The following PRPF6 variants were observed in gnomAD, a reference collection of about 807,000 sequenced individuals.
PRPF6 encodes the protein pre-mRNA processing factor 6, also known as pre-mRNA-processing factor 6.
PRPF6 carries 42 observed loss-of-function variants against 118.3 expected under a neutral mutation model. The observed-to-expected ratio is 0.35, with a 90% CI of 0.28 to 0.46. The LOEUF (loss-of-function observed/expected upper bound fraction) is 0.46, where lower values mean the gene tolerates loss of function less well. Ranked by LOEUF, PRPF6 falls within the 20% of genes least tolerant of loss-of-function variation. The pLI is 1.00. For missense variants in PRPF6, 662 were observed against 1,255.7 expected, an observed-to-expected ratio of 0.53 and a Z score of 7.15; for synonymous variants, 481 against 485.1, an observed-to-expected ratio of 0.99 and a Z score of 0.11.
chr20:64,010,042 C>T (rs1273951342), intron 9 of PRPF6, among the ~76,000 whole-genome samples, 158 bp from the exon 10 acceptor site: 1 of 152,186 alleles, frequency 6.6e-6, no homozygotes, highest in African/African-American at 2.4e-5. Flanking sequence ...TTTGTGTCTG[C>T]CCCAGACCTG....
intron 14 of PRPF6, among the ~76,000 whole-genome samples, chr20:64,025,500 C>T (rs2059285267): frequency 6.6e-6 from 1 of 152,250 alleles, no homozygotes; most frequent in African/African-American, 2.4e-5. Context: ...TGGGAGTCCT[C>T]TCTCCTGCCC....
chr20:63,999,222 G>A (rs985729172), intron 7 of PRPF6, 83 bp downstream of exon 7: 1 of 1,114,238 alleles, frequency 9.0e-7, no homozygotes, highest in Non-Finnish European at 1.4e-6. Context: ...ACAGTATGCT[G>A]TCAAAATGGG....
chr20:64,014,986 C>G (rs1265010831), intron 11 of PRPF6, among the ~76,000 whole-genome samples: 1 of 152,158 alleles, frequency 6.6e-6, no homozygotes, highest in Non-Finnish European at 1.5e-5. Flanking sequence ...TTCAGGGTTC[C>G]TCCATGTTGT....
intron 12 of PRPF6, among the ~76,000 whole-genome samples, chr20:64,020,372 C>T (rs777023906): frequency 3.9e-5 from 6 of 152,020 alleles, no homozygotes; most frequent in Admixed American, 6.6e-5. Context: ...GCTGAGATCG[C>T]GCCACTGCAC....
intron 1 of PRPF6, 73 bp from the exon 2 acceptor site, chr20:63,982,974 T>G: frequency 3.2e-6 from 5 of 1,553,568 alleles, no homozygotes; most frequent in Non-Finnish European, 2.6e-6. Context: ...TGTTAGTAAG[T>G]GATAACCAGG....
intron 9 of PRPF6, among the ~76,000 whole-genome samples, chr20:64,008,648 GA>G (rs2059201153): frequency 1.3e-5 from 2 of 152,120 alleles, no homozygotes; most frequent in South Asian, 4.1e-4. Flanking sequence ...TTTATTGCCA[GA>G]ATTATTCTTA....
At position 64,001,063 on chromosome 20, in the gene PRPF6, C is replaced by G. The variant is rs200767266; in HGVS notation, c.1024-14C>G. On this transcript the variant is annotated splice_polypyrimidine_tract_variant and intron_variant, in intron 8 of 20. Coordinates refer to ENST00000266079, the MANE Select transcript of PRPF6 (RefSeq NM_012469.4). Reference sequence around the variant, plus strand: ...CTGCACTGAGCCTTATTGGTCTTATCTCTTGCCTCACAGAGTGAAGATGTC... The same window carrying G: ...CTGCACTGAGCCTTATTGGTCTTATGTCTTGCCTCACAGAGTGAAGATGTC... The G allele has an allele frequency of 1.2e-6, 2 of 1,613,808 alleles. No homozygotes were observed. Among genetic ancestry groups the G allele is most frequent in the Non-Finnish European group, 1.7e-6 (2 of 1,179,924 alleles).
Position 64,026,889 on chromosome 20 carries a change from AG to A in PRPF6, c.2029-92del. 2 of 1,278,312 alleles carry A rather than the reference AG, an allele frequency of 1.6e-6. No homozygotes were observed. The highest frequency in any genetic ancestry group is 2.4e-5 in the South Asian group (2 of 83,150). The allele number at this position is 1,278,312 out of a possible 1,614,324, so 79.2% of individuals were successfully genotyped here. On this transcript the variant is annotated intron_variant, in intron 15 of 20. Coordinates refer to ENST00000266079, the MANE Select transcript of PRPF6 (RefSeq NM_012469.4). This position sits in a 1 kb window ranked among gnomAD's most constrained non-coding sequence, Gnocchi z 4.4. ...ATGAAAAGCTTACAAAAGTACACAC[AG>A]TACTGCAGGTAACAGTGTTGAGGAT...
intron 9 of PRPF6, among the ~76,000 whole-genome samples, chr20:64,006,805 A>G (rs1321079363): frequency 6.6e-6 from 1 of 152,226 alleles, no homozygotes; most frequent in Non-Finnish European, 1.5e-5. Flanking sequence ...CATTTGTGGC[A>G]TCCTACTGGG....
At chr20:63,996,353 A>G (rs2059141162) in intron 6 of PRPF6, among the ~76,000 whole-genome samples, 1 of 151,852 alleles carries the variant, frequency 6.6e-6, no homozygotes, top group African/African-American at 2.4e-5. Flanking sequence ...AAAAACAAAA[A>G]CAAAAACAAA....
chr20:64,026,945 C>G lies in PRPF6; in HGVS notation c.2029-37C>G, dbSNP rs1365577801. The G allele has an allele frequency of 1.9e-6, 3 of 1,611,666 alleles. No homozygotes were observed. The African/African-American group carries it at 4.0e-5, about 22-fold the overall frequency. On this transcript the variant is annotated intron_variant, in intron 15 of 20. Transcript: ENST00000266079. This position sits in a 1 kb window ranked among gnomAD's most constrained non-coding sequence, Gnocchi z 4.4. ...GTACCATGAAGCACGTACCCTGGAG[C>G]TGATGCCCTGCGTGACAGTGCATGT...
chr20:64,031,004 C>G (rs2059311615), intron 19 of PRPF6, among the ~76,000 whole-genome samples: 1 of 152,262 alleles, frequency 6.6e-6, no homozygotes, highest in South Asian at 2.1e-4. Context: ...GCCCGCCATC[C>G]CTTCTCCAGC....
In PRPF6 at chr20:64,028,494, C is replaced by T; in HGVS notation, c.2356C>T (p.Leu786=). The T allele has an allele frequency of 6.2e-7, 1 of 1,613,914 alleles. No individual in the cohort carries two copies. The highest frequency in any genetic ancestry group is 8.5e-7 in the Non-Finnish European group (1 of 1,179,990). The stretch of plus-strand genomic sequence containing the variant: ...TCTCCTCAGGTTGGAGTCCGTGCGG[C>T]TGGAGTACCGTGCGGGGCTGAAGAA... ...NPGLWLESVR[L]EYRAGLKNIA... is the part of the protein sequence containing the mutation. The change falls in exon 18 of 21, where the codon CTG becomes TTG. Residue 786 remains leucine, a synonymous_variant. Transcript: ENST00000266079. The surrounding 1 kb of genome is among the most constrained non-coding windows in gnomAD (Gnocchi z 6.5).
In PRPF6 at chr20:64,010,226, C is replaced by G. The variant is rs2059210093; in HGVS notation, c.1213C>G (p.Arg405Gly). Residue 405 changes from arginine (R) to glycine (G), a missense_variant, in exon 10 of 21, where the codon CGC becomes GGC. Physicochemically the swap from Arg to Gly is moderately radical, Grantham distance 125. Transcript: ENST00000266079. ...CCTCGAGCATGTTCCAAACTCGGTT[C>G]GCTTGTGGAAAGCAGCCGTTGAGCT... is the stretch of plus-strand genomic sequence containing the variant. ...KALEHVPNSV[R>G]LWKAAVELEE... 6.2e-7 allele frequency: 1 copy of G among 1,614,024 alleles called. No individual in the cohort carries two copies. The highest frequency in any genetic ancestry group is 8.5e-7 in the Non-Finnish European group (1 of 1,180,044).
At position 64,028,562 on chromosome 20, in the gene PRPF6, C is replaced by T. The variant is rs751030394; in HGVS notation, c.2424C>T (p.Pro808=). Residue 808 remains proline (P), a synonymous_variant, in exon 18 of 21, where the codon CCC becomes CCT. Coordinates refer to ENST00000266079, the MANE Select transcript of PRPF6 (RefSeq NM_012469.4). This position sits in a 1 kb window ranked among gnomAD's most constrained non-coding sequence, Gnocchi z 6.5. The part of the protein sequence containing the change: ...TLMAKALQEC[P]NSGILWSEAI... ...TGGCCAAGGCGCTGCAGGAGTGCCC[C>T]AACTCCGGTAAGGGGGTGCCCCGAC... The T allele has an allele frequency of 2.5e-6, 4 of 1,613,128 alleles. No individual in the cohort carries two copies. In the East Asian group the frequency reaches 6.7e-5, roughly 27 times the overall value.
rs763137570 is a variant in PRPF6 at position 64,027,665 on chromosome 20, T to A, written c.2268T>A (p.Ile756=). 4 of 1,614,098 alleles carry A rather than the reference T, an allele frequency of 2.5e-6. No homozygotes were observed. The South Asian group carries it at 3.3e-5, about 13-fold the overall frequency. The part of the protein sequence containing the change: ...WLLLSRLEEK[I]GQLTRARAIL... ...TGCTCTCTCGGCTGGAGGAGAAGAT[T>A]GGGCAGCTTACTCGAGCACGGGCCA... The change falls in exon 17 of 21, where the codon ATT becomes ATA. Residue 756 remains isoleucine (I), a synonymous_variant. Transcript: ENST00000266079. This position sits in a 1 kb window ranked among gnomAD's most constrained non-coding sequence, Gnocchi z 6.5.
At position 64,026,878 on chromosome 20, in the gene PRPF6, A is replaced by G. The variant is rs998933293; in HGVS notation, c.2029-104A>G. On this transcript the variant is annotated intron_variant, in intron 15 of 20. Coordinates refer to ENST00000266079, the MANE Select transcript of PRPF6 (RefSeq NM_012469.4). The surrounding 1 kb of genome is among the most constrained non-coding windows in gnomAD (Gnocchi z 4.4). ...ACAAACAGGCTATGAAAAGCTTACAAAAGTACACACAGTACTGCAGGTAAC... is the reference window on the plus strand; with the variant it reads ...ACAAACAGGCTATGAAAAGCTTACAGAAGTACACACAGTACTGCAGGTAAC... 49 of 1,220,732 alleles carry G rather than the reference A, an allele frequency of 4.0e-5. No individual in the cohort carries two copies. Among genetic ancestry groups the G allele is most frequent in the Non-Finnish European group, 5.4e-5 (45 of 828,604 alleles). The allele number at this position is 1,220,732 out of a possible 1,614,324, so 75.6% of individuals were successfully genotyped here.
At position 64,028,347 on chromosome 20, in the gene PRPF6, G is replaced by A. The variant is rs2059300718; in HGVS notation, c.2340-131G>A. 2 of 927,858 alleles carry A rather than the reference G, an allele frequency of 2.2e-6. No individual in the cohort carries two copies. The highest frequency in any genetic ancestry group is 1.4e-5 in the South Asian group (1 of 71,156). The allele number at this position is 927,858 out of a possible 1,614,324, so 57.5% of individuals were successfully genotyped here. On this transcript the variant is annotated intron_variant, in intron 17 of 20. Coordinates refer to ENST00000266079, the MANE Select transcript of PRPF6 (RefSeq NM_012469.4). This position sits in a 1 kb window ranked among gnomAD's most constrained non-coding sequence, Gnocchi z 6.5. ...CTTGTTTCTGTGGTGGATGAGCTCTGCTGTGGAGGGAATGGAGTTTTTGCT... is the reference window on the plus strand; with the variant it reads ...CTTGTTTCTGTGGTGGATGAGCTCTACTGTGGAGGGAATGGAGTTTTTGCT...
rs553348373 is a variant in PRPF6 at position 64,001,050 on chromosome 20, T to G, written c.1024-27T>G. The G allele has an allele frequency of 3.8e-5, 61 of 1,612,848 alleles. 1 individual carries two copies. In the Middle Eastern group the frequency reaches 1.2e-3, roughly 31 times the overall value. ...TGCGGCTTCCAGCCTGCACTGAGCC[T>G]TATTGGTCTTATCTCTTGCCTCACA... On this transcript the variant is annotated intron_variant, in intron 8 of 20. Transcript: ENST00000266079.
Sources: allele counts gnomAD v4.1 joint callset (sites outside exome capture counted in the v4.1 genomes callset), GRCh38; gene constraint gnomAD v4.1.1; non-coding constraint Gnocchi (gnomAD v3.1); transcripts MANE v1.5; gene names NCBI Gene and HGNC (gene_info 2026-07-23, HGNC 2026-07-21).